The following OR52N4 variants were observed in gnomAD, a reference collection of about 807,000 sequenced individuals.
OR52N4 encodes the protein olfactory receptor family 52 subfamily N member 4.
A neutral mutation model predicts 15.0 loss-of-function variants in OR52N4; 15 were observed. That is an observed-to-expected ratio of 1.00 (90% confidence interval 0.67 to 1.54). The LOEUF is 1.54. Ranked by LOEUF, OR52N4 falls within the 40% of genes most tolerant of loss-of-function variation. OR52N4 has a pLI of 0.00. For synonymous variants in OR52N4, 143 were observed against 143.7 expected (o/e 1.00, Z 0.03); for missense variants, 421 against 394.0 (o/e 1.07, Z -0.58).
At position 5,755,451 on chromosome 11, in the gene OR52N4, G is replaced by A; in HGVS notation, c.711G>A (p.Gln237=). 6.2e-7 allele frequency: 1 copy of A among 1,614,066 alleles called. No homozygotes were observed. Residue 237 remains glutamine (Q), a synonymous_variant, in exon 2 of 2, where the codon CAG becomes CAA. Transcript: ENST00000641350. ...GCCTCTCCTCAGCAGATGCTCGGCA[G>A]AAGGCCTTTAATACCTGCACTGCCC... ...VVSLSSADAR[Q]KAFNTCTAHI...
chr11:5,745,068 C>T, the OR52N4 span, among the ~76,000 whole-genome samples: 180 of 127,322 alleles, frequency 1.4e-3, 1 homozygote, highest in Non-Finnish European at 2.4e-3. Context: ...AAGCCATATA[C>T]ATCAAACCAA....
the OR52N4 span, chr11:5,727,342 T>A: frequency 6.6e-6 from 1 of 152,640 alleles, no homozygotes; most frequent in African/African-American, 2.4e-5. Context: ...GGCCAATGTT[T>A]ATCTGCTTTT....
chr11:5,747,006 C>G, the OR52N4 span, among the ~76,000 whole-genome samples: 12,018 of 133,606 alleles, frequency 0.09, 593 homozygotes, highest in Middle Eastern at 0.2. Context: ...CCAAGATGGG[C>G]GGATCACTTG....
At chr11:5,739,791 A>G in the OR52N4 span, among the ~76,000 whole-genome samples, 2 of 128,432 alleles carry the variant, frequency 1.6e-5, 1 homozygote, top group Non-Finnish European at 3.4e-5. Flanking sequence ...ACCTTCACAC[A>G]AAGCTCATGC....
chr11:5,730,869 G>A, the OR52N4 span, among the ~76,000 whole-genome samples: 1 of 151,352 alleles, frequency 6.6e-6, no homozygotes, highest in Non-Finnish European at 1.5e-5. Flanking sequence ...TTGCCTTTTT[G>A]TTTCTTTCAA....
chr11:5,733,698 C>T, the OR52N4 span, among the ~76,000 whole-genome samples: 26,198 of 152,072 alleles, frequency 0.17, 2,489 homozygotes, highest in Admixed American at 0.27. Context: ...CTATTGATCA[C>T]TTTATGCCTA....
chr11:5,746,996 C>G, the OR52N4 span, among the ~76,000 whole-genome samples: 1 of 142,972 alleles, frequency 7.0e-6, no homozygotes, highest in Admixed American at 7.4e-5. Flanking sequence ...CTTTGGGAGG[C>G]CAAGATGGGC....
chr11:5,729,013 A>G, the OR52N4 span, among the ~76,000 whole-genome samples: 6 of 151,398 alleles, frequency 4.0e-5, 1 homozygote, highest in Admixed American at 2.0e-4. Context: ...TACATTAGGT[A>G]TATCTCCTAA....
chr11:5,737,557 G>A, the OR52N4 span: 15 of 1,423,558 alleles, frequency 1.1e-5, no homozygotes, highest in Non-Finnish European at 1.3e-5. Context: ...TTTCAAAGAG[G>A]ATAAATGAGT....
the OR52N4 span, among the ~76,000 whole-genome samples, chr11:5,744,440 T>C: frequency 1.3e-5 from 2 of 152,162 alleles, no homozygotes; most frequent in Non-Finnish European, 2.9e-5. Context: ...TGATGAGAAT[T>C]GATACAAAAA....
upstream of OR52N4, among the ~76,000 whole-genome samples, chr11:5,752,743 C>A (rs995978709): frequency 2.0e-5 from 3 of 152,112 alleles, no homozygotes; most frequent in Non-Finnish European, 4.4e-5. Flanking sequence ...ACAACCAAAT[C>A]AAGTAAGGGA....
chr11:5,737,455 G>C, the OR52N4 span: 7 of 1,613,460 alleles, frequency 4.3e-6, no homozygotes, highest in Middle Eastern at 6.6e-4. Context: ...CCTTCCAAAA[G>C]GTGCTGTTTG....
intron 1 of OR52N4, 94 bp from the exon 2 acceptor site, chr11:5,754,599 C>T (rs1250770857): frequency 1.2e-6 from 1 of 803,708 alleles, no homozygotes; most frequent in South Asian, 2.5e-5. Context: ...GGTTGTTGGA[C>T]CATTAAAATG....
At position 5,754,897 on chromosome 11, in the gene OR52N4, T is replaced by C. The variant is rs757338261; in HGVS notation, c.157T>C (p.Tyr53His). 4 of 1,613,622 alleles carry C rather than the reference T, an allele frequency of 2.5e-6. No homozygotes were observed. The Admixed American group carries it at 5.0e-5, about 20-fold the overall frequency. Reference sequence around the variant, plus strand: ...TTGTGGACTCCTCTACCTCATTCACTATGAGGATGCCCTGCACAAACCCAT... The same window carrying C: ...TTGTGGACTCCTCTACCTCATTCACCATGAGGATGCCCTGCACAAACCCAT... ...GNCGLLYLIH[Y>H]EDALHKPMYY... The change falls in exon 2 of 2, where the codon TAT becomes CAT. Residue 53 changes from tyrosine to histidine, a missense_variant. Coordinates refer to ENST00000641350, the MANE Select transcript of OR52N4 (RefSeq NM_001005175.5).
chr11:5,742,441 T>C, the OR52N4 span, among the ~76,000 whole-genome samples: 214 of 152,128 alleles, frequency 1.4e-3, no homozygotes, highest in South Asian at 0.017. Context: ...CTAAAGCCAA[T>C]ATGAAGGAAA....
chr11:5,750,103 A>G (rs912584389), upstream of OR52N4, among the ~76,000 whole-genome samples: 1 of 151,972 alleles, frequency 6.6e-6, no homozygotes, highest in Non-Finnish European at 1.5e-5. Flanking sequence ...TATAGGAAAT[A>G]CTAATAAAAT....
the OR52N4 span, chr11:5,737,749 ATATC>A: frequency 5.9e-6 from 2 of 337,216 alleles, no homozygotes; most frequent in East Asian, 5.1e-5. Flanking sequence ...TTAATGATTG[ATATC>A]TATCTCTTAA....
the OR52N4 span, among the ~76,000 whole-genome samples, chr11:5,732,181 G>A: frequency 1.2e-4 from 18 of 152,008 alleles, no homozygotes; most frequent in East Asian, 3.9e-4. Flanking sequence ...CAACATCTCC[G>A]CATCCCCCAG....
the OR52N4 span, among the ~76,000 whole-genome samples, chr11:5,729,363 G>T: frequency 1.3e-5 from 2 of 151,702 alleles, no homozygotes; most frequent in African/African-American, 2.4e-5. Context: ...CTTGTGATCC[G>T]CCTGCCTCAG....
Sources: gnomAD v4.1 joint callset for allele counts (sites outside exome capture counted in the v4.1 genomes callset) on GRCh38, gnomAD v4.1.1 for gene constraint, MANE v1.5 for transcripts, NCBI Gene and HGNC (gene_info 2026-07-23, HGNC 2026-07-21) for gene names.